AUTS2: variants seen among roughly 807,000 people sequenced by gnomAD.
AUTS2 encodes the protein activator of transcription and developmental regulator AUTS2, also known as autism susceptibility gene 2 protein.
Under a neutral mutation model 112.4 loss-of-function variants are expected in AUTS2, and 17 were observed. The observed-to-expected ratio is 0.15, with a 90% CI of 0.10 to 0.23. The LOEUF (loss-of-function observed/expected upper bound fraction) is 0.23, where lower values mean the gene tolerates loss of function less well. Among genes scored for constraint, AUTS2 ranks in the 10% least tolerant of loss-of-function variants. The pLI is 1.00. For synonymous variants in AUTS2, 751 were observed against 702.7 expected (o/e 1.07, Z -1.09); for missense variants, 1,510 against 1,701.6 (o/e 0.89, Z 1.98).
chr7:69,742,698 A>C (rs1787320746), intron 1 of AUTS2, among the ~76,000 whole-genome samples: 1 of 152,154 alleles, frequency 6.6e-6, no homozygotes, highest in South Asian at 2.1e-4. Context: ...TACCTGTCCT[A>C]AGAATCAGTT....
intron 5 of AUTS2, among the ~76,000 whole-genome samples, chr7:70,544,790 T>C (rs1421097774): frequency 1.3e-5 from 2 of 152,142 alleles, no homozygotes; most frequent in Non-Finnish European, 2.9e-5. Context: ...TCTGAATGGC[T>C]GCGGGGTGTG....
intron 5 of AUTS2, among the ~76,000 whole-genome samples, chr7:70,670,354 T>G (rs1807572192): frequency 6.6e-6 from 1 of 152,228 alleles, no homozygotes; most frequent in Non-Finnish European, 1.5e-5. Context: ...CATCCACATA[T>G]TAGCCCCGAT....
chr7:69,750,394 A>G (rs567213713), intron 1 of AUTS2, among the ~76,000 whole-genome samples: 2 of 148,486 alleles, frequency 1.3e-5, no homozygotes, highest in East Asian at 3.9e-4. Flanking sequence ...TTATACTATT[A>G]TATTAGTATA....
intron 5 of AUTS2, among the ~76,000 whole-genome samples, chr7:70,641,690 A>C (rs1477005782): frequency 6.6e-6 from 1 of 152,140 alleles, no homozygotes; most frequent in African/African-American, 2.4e-5. Flanking sequence ...AGTTTTCCCC[A>C]CTATCCTGGC....
At chr7:70,270,885 G>A (rs1787659911) in intron 4 of AUTS2, among the ~76,000 whole-genome samples, 1 of 152,130 alleles carries the variant, frequency 6.6e-6, no homozygotes, top group Non-Finnish European at 1.5e-5. Flanking sequence ...TATTAAAAGA[G>A]ATGGGAGCAA....
In AUTS2 at chr7:70,081,387, T is replaced by TAA. The variant is rs57155688; in HGVS notation, c.523-36722_523-36721dup. ...CCAACATGGCGAAACCCCGTCTCTA[T>TAA]AAAAAAAAAAAAAAAAAAAAAAAAT... On this transcript the variant is annotated intron_variant, in intron 2 of 18. Transcript: ENST00000342771. 1.0e-3 allele frequency among the ~76,000 whole-genome samples: 88 copies of TAA among 88,432 alleles called. 1 individual carries two copies. The highest frequency in any genetic ancestry group is 1.4e-3 in the Non-Finnish European group (60 of 44,406). 58.0% of individuals were successfully genotyped at this position (88,432 alleles called of 152,430 possible).
At chr7:70,157,441 G>A (rs2129576952) in intron 4 of AUTS2, among the ~76,000 whole-genome samples, 1 of 151,844 alleles carries the variant, frequency 6.6e-6, no homozygotes, top group East Asian at 1.9e-4. Flanking sequence ...CACCATGCCT[G>A]GCTAATTTTT....
At chr7:70,121,068 A>G (rs749779828) in intron 3 of AUTS2, among the ~76,000 whole-genome samples, 1 of 152,202 alleles carries the variant, frequency 6.6e-6, no homozygotes, top group Non-Finnish European at 1.5e-5. Flanking sequence ...AATGAGTTTT[A>G]ACAAGAGTGC....
At chr7:69,949,484 A>G (rs1195504957) in intron 2 of AUTS2, among the ~76,000 whole-genome samples, 1 of 152,230 alleles carries the variant, frequency 6.6e-6, no homozygotes, top group East Asian at 1.9e-4. Context: ...TCATAGAGCT[A>G]GCAATTAGCA....
chr7:70,732,598 T>G (rs11764092), intron 6 of AUTS2, among the ~76,000 whole-genome samples: 34,753 of 151,964 alleles, frequency 0.23, 4,866 homozygotes, highest in East Asian at 0.58. Flanking sequence ...TCCTTATCGT[T>G]TTGACTCTTC....
chr7:70,079,280 G>A (rs1803187847), intron 2 of AUTS2, among the ~76,000 whole-genome samples: 1 of 152,088 alleles, frequency 6.6e-6, no homozygotes, highest in African/African-American at 2.4e-5. Flanking sequence ...AACCAATTAA[G>A]TTTTCAAGAA....
intron 1 of AUTS2, among the ~76,000 whole-genome samples, chr7:69,857,063 G>A (rs1367555572): frequency 1.3e-5 from 2 of 152,170 alleles, no homozygotes; most frequent in Non-Finnish European, 2.9e-5. Context: ...GATTCTATGT[G>A]CATAGTAATC....
chr7:69,812,394 C>T (rs1380630659), intron 1 of AUTS2, among the ~76,000 whole-genome samples: 1 of 152,096 alleles, frequency 6.6e-6, no homozygotes, highest in Non-Finnish European at 1.5e-5. Context: ...AGGGTTCTTC[C>T]CAGCTCCTAC....
intron 4 of AUTS2, among the ~76,000 whole-genome samples, chr7:70,182,538 AATC>A (rs1318349497): frequency 5.3e-5 from 8 of 152,216 alleles, no homozygotes; most frequent in African/African-American, 1.9e-4. Flanking sequence ...TTTATAATCA[AATC>A]GAACTGAATG....
intron 6 of AUTS2, among the ~76,000 whole-genome samples, chr7:70,757,832 TG>T (rs1789316627): frequency 6.9e-6 from 1 of 144,586 alleles, no homozygotes. Flanking sequence ...TTTTTTTTTT[TG>T]GAAACAGGGT....
At chr7:70,335,076 C>T (rs1790928058) in intron 4 of AUTS2, among the ~76,000 whole-genome samples, 2 of 152,142 alleles carry the variant, frequency 1.3e-5, no homozygotes, top group Admixed American at 1.3e-4. Flanking sequence ...TGAGGCGTCT[C>T]AGAATTCAAA....
chr7:69,831,419 A>C (rs771382540), intron 1 of AUTS2, among the ~76,000 whole-genome samples: 1 of 152,008 alleles, frequency 6.6e-6, no homozygotes, highest in African/African-American at 2.4e-5. Context: ...ATAAGCAACA[A>C]AAAACAGTTG....
intron 5 of AUTS2, among the ~76,000 whole-genome samples, chr7:70,570,855 AG>A (rs1801908642): frequency 6.6e-6 from 1 of 152,040 alleles, no homozygotes; most frequent in South Asian, 2.1e-4. Flanking sequence ...CTTAGTGTAC[AG>A]GGGCACCCAA....
At chr7:70,585,815 C>A (rs1051816444) in intron 5 of AUTS2, among the ~76,000 whole-genome samples, 1 of 152,012 alleles carries the variant, frequency 6.6e-6, no homozygotes, top group African/African-American at 2.4e-5. Flanking sequence ...ACATGTGGGA[C>A]AAAACCAATG....
Sources: gnomAD v4.1 joint callset for allele counts (sites outside exome capture counted in the v4.1 genomes callset) on GRCh38, gnomAD v4.1.1 for gene constraint, MANE v1.5 for transcripts, NCBI Gene and HGNC (gene_info 2026-07-23, HGNC 2026-07-21) for gene names.